Variants in ZNF385D observed in about 807,000 individuals in gnomAD.
ZNF385D encodes zinc finger protein 385D, also known as zinc finger protein 659.
A neutral mutation model predicts 35.8 loss-of-function variants in ZNF385D; 15 were observed. The observed-to-expected ratio is 0.42, with a 90% CI of 0.28 to 0.64. ZNF385D has a LOEUF of 0.64. ZNF385D is among the 30% of genes least tolerant of loss of function. ZNF385D has a pLI of 0.23. For synonymous variants in ZNF385D, 212 were observed against 186.8 expected (o/e 1.13, Z -1.10); for missense variants, 474 against 494.6 (o/e 0.96, Z 0.39).
rs932206375 is a variant in ZNF385D, at chr3:22,250,613, T to A, written c.107-81578A>T. 4.6e-5 allele frequency among the ~76,000 whole-genome samples: 7 copies of A among 152,036 alleles called. No individual in the cohort carries two copies. The East Asian group carries it at 1.2e-3, about 25-fold the overall frequency. On this transcript the variant is annotated intron_variant, in intron 2 of 5. Coordinates refer to the ZNF385D transcript ENST00000494108. ...GAAAATGAAAATCTGGGACCCTGATTCAAAAGTTAAGAATTTCTGATGAGA... is the reference window on the plus strand; with the variant it reads ...GAAAATGAAAATCTGGGACCCTGATACAAAAGTTAAGAATTTCTGATGAGA...
Position 22,143,059 on chromosome 3 carries a change from T to TTGTGTGTGTGTGTGTG in ZNF385D, c.325+25742_325+25757dup, listed in dbSNP as rs57448532. Among the ~76,000 whole-genome samples the TTGTGTGTGTGTGTGTG allele has an allele frequency of 4.8e-4, 67 of 140,990 alleles. 1 individual carries two copies. Among genetic ancestry groups the TTGTGTGTGTGTGTGTG allele is most frequent in the African/African-American group, 1.7e-3 (62 of 36,836 alleles). The allele number at this position is 140,990 out of a possible 152,430, so 92.5% of individuals were successfully genotyped here. On this transcript the variant is annotated intron_variant, in intron 3 of 5. Coordinates refer to the ZNF385D transcript ENST00000494108. ...CATTTGATATATTCTATTAAATCGG[T>TTGTGTGTGTGTGTGTG]TGTGTGTGTGTGTGTGTGTGTGTGT...
intron 7 of ZNF385D, among the ~76,000 whole-genome samples, chr3:21,422,321 TA>T (rs1415795933): frequency 6.6e-6 from 1 of 152,232 alleles, no homozygotes; most frequent in African/African-American, 2.4e-5. Context: ...CCAATGCAGC[TA>T]AAATTGTGTC....
chr3:21,679,421 G>C (rs1228361266), intron 1 of ZNF385D, among the ~76,000 whole-genome samples: 2 of 151,932 alleles, frequency 1.3e-5, no homozygotes, highest in African/African-American at 4.8e-5. Flanking sequence ...TCTGAGTTAA[G>C]CTTTTGAAGG....
rs183232451 is a variant in ZNF385D at position 21,648,885 on chromosome 3, C to T, written c.165+16001G>A. On this transcript the variant is annotated intron_variant, in intron 2 of 7. Coordinates refer to ENST00000281523, the MANE Select transcript of ZNF385D (RefSeq NM_024697.3). ...CCTGAGATGCACTTAGTAGTATTTT[C>T]CCCACTTTGAAATCTTTCTAGCCAT... Among the ~76,000 whole-genome samples, 66 of 152,238 alleles carry T rather than the reference C, an allele frequency of 4.3e-4. 2 individuals carry two copies. In the East Asian group the frequency reaches 0.012, roughly 27 times the overall value.
rs544028700 is a variant in ZNF385D at position 22,154,124 on chromosome 3, C to T, written c.325+14693G>A. 3.6e-4 allele frequency among the ~76,000 whole-genome samples: 55 copies of T among 152,212 alleles called. 2 individuals carry two copies. The highest frequency in any genetic ancestry group is 1.7e-3 in the South Asian group (8 of 4,812). On this transcript the variant is annotated intron_variant, in intron 3 of 5. Transcript: ENST00000494108. Reference sequence around the variant, plus strand: ...TCTCTGGCCTCCTAATTCTGGTCCTCGGGAATATACTGGCTGATATCCACT... The same window carrying T: ...TCTCTGGCCTCCTAATTCTGGTCCTTGGGAATATACTGGCTGATATCCACT...
At chr3:21,707,990 A>C (rs2067970069) in intron 1 of ZNF385D, among the ~76,000 whole-genome samples, 1 of 152,158 alleles carries the variant, frequency 6.6e-6, no homozygotes, top group Non-Finnish European at 1.5e-5. Context: ...TGGGTCCGGC[A>C]CTACGGGCAT....
intron 3 of ZNF385D, among the ~76,000 whole-genome samples, chr3:21,767,496 A>G (rs1033034555): frequency 1.3e-5 from 2 of 151,998 alleles, no homozygotes; most frequent in African/African-American, 4.8e-5. Context: ...GTTATCATTG[A>G]CTCCATACTT....
intron 3 of ZNF385D, among the ~76,000 whole-genome samples, chr3:22,018,569 T>C (rs259429): frequency 0.46 from 69,146 of 151,802 alleles, 16,314 homozygotes; most frequent in East Asian, 0.82. Context: ...TCTTCCATTA[T>C]ATGCTCTGCT....
At chr3:22,215,211 C>T (rs765344871) in intron 2 of ZNF385D, among the ~76,000 whole-genome samples, 5 of 151,904 alleles carry the variant, frequency 3.3e-5, no homozygotes, top group African/African-American at 4.8e-5. Flanking sequence ...GTACAGCATG[C>T]GTGTTTGAAC....
intron 3 of ZNF385D, among the ~76,000 whole-genome samples, chr3:21,988,831 C>T (rs1274134983): frequency 1.3e-5 from 2 of 152,170 alleles, no homozygotes; most frequent in South Asian, 2.1e-4. Flanking sequence ...ACTCCGTGGG[C>T]GTAGGACCCT....
chr3:22,080,864 G>T (rs1247240713), intron 3 of ZNF385D, among the ~76,000 whole-genome samples: 2 of 151,960 alleles, frequency 1.3e-5, no homozygotes, highest in Non-Finnish European at 2.9e-5. Flanking sequence ...ACAGTAAGAA[G>T]GCACCATCTA....
At chr3:21,481,247 T>C (rs998774865) in intron 4 of ZNF385D, among the ~76,000 whole-genome samples, 8 of 152,196 alleles carry the variant, frequency 5.3e-5, no homozygotes, top group Admixed American at 3.3e-4. Flanking sequence ...GCTAACAGAC[T>C]CTTTCTTTAG....
chr3:22,128,145 G>A (rs893695880), intron 3 of ZNF385D, among the ~76,000 whole-genome samples: 6 of 152,082 alleles, frequency 3.9e-5, no homozygotes, highest in African/African-American at 1.4e-4. Flanking sequence ...ATATATTTTT[G>A]ATGGATATAC....
chr3:22,263,689 T>G (rs1013044455), intron 2 of ZNF385D, among the ~76,000 whole-genome samples: 2 of 151,986 alleles, frequency 1.3e-5, no homozygotes, highest in East Asian at 1.9e-4. Flanking sequence ...AACAAATGAA[T>G]AAGAATTGCC....
intron 3 of ZNF385D, among the ~76,000 whole-genome samples, chr3:21,889,842 T>C (rs1233773952): frequency 2.0e-5 from 3 of 152,158 alleles, no homozygotes; most frequent in Non-Finnish European, 4.4e-5. Context: ...AAGCCCCCTC[T>C]GAAGGTGCCA....
chr3:21,724,197 A>G (rs2068657149), intron 1 of ZNF385D, among the ~76,000 whole-genome samples: 1 of 152,090 alleles, frequency 6.6e-6, no homozygotes, highest in Non-Finnish European at 1.5e-5. Flanking sequence ...CTGCAAAAAC[A>G]AACCAAATTG....
At chr3:21,968,950 T>G (rs1001556272) in intron 3 of ZNF385D, among the ~76,000 whole-genome samples, 1 of 152,194 alleles carries the variant, frequency 6.6e-6, no homozygotes, top group Non-Finnish European at 1.5e-5. Flanking sequence ...AGCTGCTGGA[T>G]GATATTGCTG....
chr3:22,177,194 C>A (rs1473794887), intron 2 of ZNF385D, among the ~76,000 whole-genome samples: 2 of 152,120 alleles, frequency 1.3e-5, no homozygotes, highest in Non-Finnish European at 2.9e-5. Context: ...CTTGAGTTCT[C>A]AGACCAGATT....
At chr3:22,201,240 C>T (rs1365136549) in intron 2 of ZNF385D, among the ~76,000 whole-genome samples, 1 of 152,164 alleles carries the variant, frequency 6.6e-6, no homozygotes, top group Non-Finnish European at 1.5e-5. Context: ...CCACGTTCTT[C>T]TGCCGTGGCT....
Sources: allele counts gnomAD v4.1 joint callset (sites outside exome capture counted in the v4.1 genomes callset), GRCh38; gene constraint gnomAD v4.1.1; transcripts MANE v1.5; gene names NCBI Gene and HGNC (gene_info 2026-07-23, HGNC 2026-07-21).